Variants in FNIP1 observed in about 807,000 individuals in gnomAD.
FNIP1 encodes folliculin interacting protein 1, also known as folliculin-interacting protein 1.
A neutral mutation model predicts 124.5 loss-of-function variants in FNIP1; 40 were observed. The observed-to-expected ratio is 0.32, with a 90% confidence interval of 0.25 to 0.42. The LOEUF (loss-of-function observed/expected upper bound fraction) is 0.42. FNIP1 is among the 10% of genes least tolerant of loss of function. The pLI, the probability that FNIP1 is intolerant of heterozygous loss-of-function variation, is 1.00. For synonymous variants in FNIP1, 472 were observed against 470.6 expected (o/e 1.00, Z -0.04); for missense variants, 1,176 against 1,403.7 (o/e 0.84, Z 2.59).
chr5:131,697,345 G>A (rs756268955), intron 11 of FNIP1, among the ~76,000 whole-genome samples: 3 of 152,058 alleles, frequency 2.0e-5, no homozygotes, highest in Middle Eastern at 3.4e-3. Flanking sequence ...GGCTAGTCTC[G>A]AACTCCTGAG....
At chr5:131,774,800 G>A (rs1279524226) in intron 1 of FNIP1, among the ~76,000 whole-genome samples, 2 of 152,156 alleles carry the variant, frequency 1.3e-5, no homozygotes, top group African/African-American at 2.4e-5. Flanking sequence ...CACAGTCATG[G>A]AATTTGAAAT....
At chr5:131,726,471 G>A (rs1769874881) in intron 3 of FNIP1, among the ~76,000 whole-genome samples, 1 of 152,080 alleles carries the variant, frequency 6.6e-6, no homozygotes. Flanking sequence ...AGATTTTCTA[G>A]TTTATTTGTG....
intron 11 of FNIP1, among the ~76,000 whole-genome samples, chr5:131,697,682 T>C (rs930817615): frequency 2.6e-5 from 4 of 151,900 alleles, no homozygotes; most frequent in African/African-American, 4.8e-5. Flanking sequence ...ATGTTTACCA[T>C]AGGCCAGGCT....
chr5:131,775,831 T>C (rs983759745), intron 1 of FNIP1, among the ~76,000 whole-genome samples: 2 of 152,166 alleles, frequency 1.3e-5, no homozygotes, highest in African/African-American at 4.8e-5. Context: ...CCCAGCCCTG[T>C]AGAGTTGTTT....
chr5:131,647,872 T>C (rs1355496311), intron 16 of FNIP1, among the ~76,000 whole-genome samples: 2 of 152,184 alleles, frequency 1.3e-5, no homozygotes, highest in East Asian at 1.9e-4. Flanking sequence ...TTTTTCACTA[T>C]GTTTTTATTT....
intron 11 of FNIP1, among the ~76,000 whole-genome samples, chr5:131,686,655 T>C (rs1192209596): frequency 6.6e-6 from 1 of 152,184 alleles, no homozygotes; most frequent in Non-Finnish European, 1.5e-5. Flanking sequence ...CTTAAGAATA[T>C]ATCCTTTGTT....
intron 1 of FNIP1, among the ~76,000 whole-genome samples, chr5:131,772,243 G>C (rs947149418): frequency 2.0e-5 from 3 of 152,056 alleles, no homozygotes; most frequent in African/African-American, 4.8e-5. Context: ...CCAGGGGCTC[G>C]ATGTGGGGGA....
At chr5:131,706,605 T>A (rs2149534215) in intron 8 of FNIP1, 59 bp from the exon 9 acceptor site, 1 of 1,398,764 alleles carries the variant, frequency 7.1e-7, no homozygotes, top group South Asian at 1.8e-5. Context: ...AATGACAAAT[T>A]TCTTTTTAAC....
chr5:131,780,940 GC>G (rs1445323084), intron 1 of FNIP1, among the ~76,000 whole-genome samples: 7 of 152,200 alleles, frequency 4.6e-5, no homozygotes, highest in Non-Finnish European at 1.0e-4. Flanking sequence ...GCTGAGACAG[GC>G]CAAAAGACAG....
At chr5:131,690,832 T>C (rs918309296) in intron 11 of FNIP1, among the ~76,000 whole-genome samples, 2 of 152,138 alleles carry the variant, frequency 1.3e-5, no homozygotes, top group African/African-American at 2.4e-5. Flanking sequence ...CTTAATGAAT[T>C]TGCAGTTAAC....
intron 1 of FNIP1, among the ~76,000 whole-genome samples, chr5:131,759,877 TAC>T (rs1771167730): frequency 6.6e-6 from 1 of 152,130 alleles, no homozygotes; most frequent in African/African-American, 2.4e-5. Context: ...GAAAATGTGG[TAC>T]AGATACACCA....
At chr5:131,697,350 C>A (rs1051797798) in intron 11 of FNIP1, among the ~76,000 whole-genome samples, 5 of 152,232 alleles carry the variant, frequency 3.3e-5, no homozygotes, top group African/African-American at 1.2e-4. Context: ...GTCTCGAACT[C>A]CTGAGCTCAA....
Position 131,719,041 on chromosome 5 carries a change from G to A in FNIP1, c.475C>T (p.Leu159Phe), listed in dbSNP as rs1356716610. 1 of 1,613,530 alleles carries A rather than the reference G, an allele frequency of 6.2e-7. No individual in the cohort carries two copies. The highest frequency in any genetic ancestry group is 1.3e-5 in the African/African-American group (1 of 74,888). Reference sequence around the variant, plus strand: ...GTCCGAGCAGTAAACACTTTGCTGAGCATGAGCTGTGGAGGGGAACTATGA... The same window carrying A: ...GTCCGAGCAGTAAACACTTTGCTGAACATGAGCTGTGGAGGGGAACTATGA... ...HQIRSPPQLMLSKVFTARTGS... is the reference protein window; with the variant it reads ...HQIRSPPQLMFSKVFTARTGS... Residue 159 changes from leucine to phenylalanine, a missense_variant, in exon 5 of 18, where the codon CTC becomes TTC. Around this residue, in one of 2 missense-constraint regions of FNIP1, gnomAD observed 1,109 missense variants for 1,288.5 expected, o/e 0.86. Coordinates refer to ENST00000510461, the MANE Select transcript of FNIP1 (RefSeq NM_133372.3).
chr5:131,682,917 C>T (rs963383750), intron 11 of FNIP1, among the ~76,000 whole-genome samples: 2 of 152,068 alleles, frequency 1.3e-5, no homozygotes, highest in Non-Finnish European at 2.9e-5. Context: ...AAACTGTAGG[C>T]ATGATTTAGT....
rs750281081 is a variant in FNIP1, at chr5:131,677,680, G to A, written c.1519+23C>T. The stretch of plus-strand genomic sequence containing the variant: ...GCTACAAAAAAGTCTAATACATAGT[G>A]TAACAGTTGTCAGATTACATACCCA... On this transcript the variant is annotated intron_variant, in intron 13 of 17. Coordinates refer to ENST00000510461, the MANE Select transcript of FNIP1 (RefSeq NM_133372.3). 28 of 1,605,022 alleles carry A rather than the reference G, an allele frequency of 1.7e-5. No homozygotes were observed. The East Asian group carries it at 4.0e-4, about 23-fold the overall frequency.
intron 1 of FNIP1, among the ~76,000 whole-genome samples, chr5:131,750,285 T>G (rs1242629899): frequency 7.9e-5 from 12 of 151,968 alleles, no homozygotes. Context: ...ATGGAGGCAG[T>G]ACGGTCAAAG....
chr5:131,736,951 G>C (rs1013415054), intron 2 of FNIP1, among the ~76,000 whole-genome samples: 2 of 152,150 alleles, frequency 1.3e-5, no homozygotes, highest in Non-Finnish European at 2.9e-5. Flanking sequence ...TATTGAACTT[G>C]CAACTTATTT....
At position 131,761,524 on chromosome 5, in the gene FNIP1, T is replaced by C. The variant is rs1771230417; in HGVS notation, c.93-16834A>G. Among the ~76,000 whole-genome samples, 3 of 152,054 alleles carry C rather than the reference T, an allele frequency of 2.0e-5. No individual in the cohort carries two copies. The South Asian group carries it at 6.2e-4, about 31-fold the overall frequency. ...TTAAAGTAATCCCAATTACAGTAAC[T>C]ACAAATAAAACATCTAGGAACTTCA... On this transcript the variant is annotated intron_variant, in intron 1 of 17. Coordinates refer to ENST00000510461, the MANE Select transcript of FNIP1 (RefSeq NM_133372.3).
chr5:131,748,315 G>A (rs894093483), intron 1 of FNIP1, among the ~76,000 whole-genome samples: 1 of 152,126 alleles, frequency 6.6e-6, no homozygotes, highest in Non-Finnish European at 1.5e-5. Context: ...CTGTGGTGAT[G>A]CTCATGTAAA....
Sources: allele counts gnomAD v4.1 joint callset (sites outside exome capture counted in the v4.1 genomes callset), GRCh38; gene constraint gnomAD v4.1.1; regional missense constraint gnomAD v4.1.1; transcripts MANE v1.5; gene names NCBI Gene and HGNC (gene_info 2026-07-23, HGNC 2026-07-21).